The following ESRRG variants were observed in gnomAD, a reference collection of about 807,000 sequenced individuals.
The protein encoded by ESRRG is estrogen related receptor gamma, also known as estrogen-related receptor gamma.
A neutral mutation model predicts 44.0 loss-of-function variants in ESRRG; 13 were observed. That is an observed-to-expected ratio of 0.30 (90% CI 0.19 to 0.47). The LOEUF is 0.47. Ranked by LOEUF, ESRRG falls within the 20% of genes least tolerant of loss-of-function variation. The pLI, the probability that ESRRG is intolerant of heterozygous loss-of-function variation, is 1.00. For synonymous variants in ESRRG, 215 were observed against 214.6 expected (o/e 1.00, Z -0.02); for missense variants, 395 against 580.6 (o/e 0.68, Z 3.29).
intron 2 of ESRRG, among the ~76,000 whole-genome samples, chr1:216,866,493 T>C (rs753274155): frequency 2.6e-4 from 40 of 152,166 alleles, no homozygotes; most frequent in Admixed American, 5.2e-4. Context: ...TAAAATCATA[T>C]ATACTAGCTC....
intron 1 of ESRRG, among the ~76,000 whole-genome samples, chr1:217,057,280 G>A (rs4630180): frequency 0.36 from 55,194 of 151,998 alleles, 10,339 homozygotes; most frequent in Admixed American, 0.41. Context: ...GTTCTGTGAC[G>A]TTAGTGAGAT....
At chr1:216,950,021 C>T (rs1308718063) in intron 1 of ESRRG, among the ~76,000 whole-genome samples, 1 of 151,152 alleles carries the variant, frequency 6.6e-6, no homozygotes, top group African/African-American at 2.5e-5. Context: ...CCATGTTGGC[C>T]AGGCTGGTCT....
At chr1:216,717,811 G>A (rs995674023) in intron 1 of ESRRG, among the ~76,000 whole-genome samples, 3 of 151,726 alleles carry the variant, frequency 2.0e-5, no homozygotes, top group African/African-American at 7.2e-5. Flanking sequence ...CAAATGATAT[G>A]TTTATGTAGT....
At position 216,688,847 on chromosome 1, in the gene ESRRG, T is replaced by C. The variant is rs1223032243; in HGVS notation, c.57-11356A>G. 2.0e-5 allele frequency among the ~76,000 whole-genome samples: 3 copies of C among 152,166 alleles called. No individual in the cohort carries two copies. In the East Asian group the frequency reaches 5.8e-4, roughly 29 times the overall value. Reference sequence around the variant, plus strand: ...CATACAGAGAAAAGCTGAAATTGTATTTTTGGTAAGGAAACTCGAGAGAGT... The same window carrying C: ...CATACAGAGAAAAGCTGAAATTGTACTTTTGGTAAGGAAACTCGAGAGAGT... On this transcript the variant is annotated intron_variant, in intron 1 of 6. Transcript: ENST00000408911.
intron 5 of ESRRG, among the ~76,000 whole-genome samples, chr1:216,553,126 A>G (rs546611128): frequency 6.6e-6 from 1 of 152,064 alleles, no homozygotes; most frequent in Admixed American, 6.5e-5. Flanking sequence ...TTTTTCCTAA[A>G]ATGCTGACCA....
intron 1 of ESRRG, among the ~76,000 whole-genome samples, chr1:216,980,403 A>G (rs1295109207): frequency 6.6e-6 from 1 of 152,102 alleles, no homozygotes; most frequent in Non-Finnish European, 1.5e-5. Context: ...TTTTACTCCA[A>G]GTCTGTTTTA....
At chr1:216,864,250 G>C (rs1466108466) in intron 2 of ESRRG, 1 of 150,996 alleles carries the variant, frequency 6.6e-6, no homozygotes, top group Non-Finnish European at 1.5e-5. Context: ...TCCTACTCAT[G>C]CATTTGACAT....
chr1:217,042,598 C>T (rs900875819), intron 1 of ESRRG, among the ~76,000 whole-genome samples: 1 of 152,048 alleles, frequency 6.6e-6, no homozygotes, highest in Non-Finnish European at 1.5e-5. Flanking sequence ...ACACTCCCCC[C>T]TGCCCTTGCC....
chr1:216,718,735 T>A (rs1380140668), intron 1 of ESRRG, among the ~76,000 whole-genome samples: 2 of 152,012 alleles, frequency 1.3e-5, no homozygotes, highest in Non-Finnish European at 1.5e-5. Flanking sequence ...TCCAGAGAGC[T>A]GGCTAGGGCC....
chr1:216,575,276 C>G (rs915198825), intron 3 of ESRRG, among the ~76,000 whole-genome samples: 1 of 151,960 alleles, frequency 6.6e-6, no homozygotes, highest in African/African-American at 2.4e-5. Flanking sequence ...TTAAAGAAAC[C>G]AAACAGTAGA....
intron 2 of ESRRG, among the ~76,000 whole-genome samples, chr1:216,860,492 C>G (rs1261514600): frequency 1.3e-5 from 2 of 151,892 alleles, no homozygotes; most frequent in African/African-American, 4.8e-5. Flanking sequence ...AGTATAAAAT[C>G]TTAAAAGTAG....
chr1:216,999,883 A>G (rs1228998840), intron 1 of ESRRG, among the ~76,000 whole-genome samples: 1 of 152,188 alleles, frequency 6.6e-6, no homozygotes, highest in East Asian at 1.9e-4. Flanking sequence ...AAGATTAGAC[A>G]TGACTATTCC....
chr1:217,102,342 TACAGCATTGC>T (rs1375906622), intron 1 of ESRRG, among the ~76,000 whole-genome samples: 3 of 152,220 alleles, frequency 2.0e-5, no homozygotes, highest in Non-Finnish European at 2.9e-5. Flanking sequence ...CTCACCACCA[TACAGCATTGC>T]TGCTATTATT....
chr1:216,894,421 C>T (rs997476185), intron 2 of ESRRG, among the ~76,000 whole-genome samples: 1 of 152,106 alleles, frequency 6.6e-6, no homozygotes, highest in Non-Finnish European at 1.5e-5. Context: ...AAATGAACTA[C>T]ACCAGCCAGG....
At chr1:216,885,613 T>A (rs79081524) in intron 2 of ESRRG, among the ~76,000 whole-genome samples, 1 of 152,126 alleles carries the variant, frequency 6.6e-6, no homozygotes, top group Non-Finnish European at 1.5e-5. Flanking sequence ...GTTTTTTTTT[T>A]AATGATTTCC....
In ESRRG at chr1:217,088,890, A is replaced by G. The variant is rs11572392; in HGVS notation, c.-106+617T>C. 3.8e-3 allele frequency among the ~76,000 whole-genome samples: 571 copies of G among 152,042 alleles called. 3 individuals carry two copies. The highest frequency in any genetic ancestry group is 6.6e-3 in the Non-Finnish European group (451 of 67,974). On this transcript the variant is annotated intron_variant, in intron 1 of 7. Transcript: ENST00000359162. ...AGACTTGAGGGGTAGAAGGAGGTAG[A>G]TGGTTTAAAATAGTTAAATGATGAT... is the stretch of plus-strand genomic sequence containing the variant.
intron 2 of ESRRG, among the ~76,000 whole-genome samples, chr1:216,784,621 ATAGAGT>A (rs939238796): frequency 6.6e-6 from 1 of 152,110 alleles, no homozygotes; most frequent in African/African-American, 2.4e-5. Context: ...ACTTATCTTC[ATAGAGT>A]TAAAGAATTA....
At chr1:216,547,025 A>G (rs956111754) in intron 5 of ESRRG, among the ~76,000 whole-genome samples, 1 of 151,332 alleles carries the variant, frequency 6.6e-6, no homozygotes, top group African/African-American at 2.4e-5. Context: ...TCATTGTTCA[A>G]CTCCCACTTA....
At chr1:217,044,221 C>T (rs1025202150) in intron 1 of ESRRG, among the ~76,000 whole-genome samples, 3 of 152,146 alleles carry the variant, frequency 2.0e-5, no homozygotes, top group Non-Finnish European at 2.9e-5. Context: ...ACCACCCTCC[C>T]TTTTGGCTAC....
Sources: allele counts gnomAD v4.1 joint callset (sites outside exome capture counted in the v4.1 genomes callset), GRCh38; gene constraint gnomAD v4.1.1; transcripts MANE v1.5; gene names NCBI Gene and HGNC (gene_info 2026-07-23, HGNC 2026-07-21).